THSD4: variants seen among roughly 807,000 people sequenced by gnomAD.
The protein encoded by THSD4 is thrombospondin type 1 domain containing 4, also known as thrombospondin type-1 domain-containing protein 4.
A neutral mutation model predicts 119.0 loss-of-function variants in THSD4; 69 were observed. That is an observed-to-expected ratio of 0.58 (90% CI 0.48 to 0.71). THSD4 has a LOEUF of 0.71. THSD4 is among the 30% of genes least tolerant of loss of function. The pLI is 0.00. For synonymous variants in THSD4, 524 were observed against 540.4 expected (o/e 0.97, Z 0.42); for missense variants, 1,393 against 1,391.1 (o/e 1.00, Z -0.02).
intron 6 of THSD4, among the ~76,000 whole-genome samples, chr15:71,311,245 A>G (rs758190666): frequency 2.6e-5 from 4 of 152,226 alleles, no homozygotes; most frequent in African/African-American, 9.6e-5. Context: ...GTTTGTTAAC[A>G]TAGATTTCCA....
At chr15:71,774,310 CA>C (rs11448201) in intron 17 of THSD4, among the ~76,000 whole-genome samples, 17 of 73,896 alleles carry the variant, frequency 2.3e-4, no homozygotes, top group East Asian at 1.1e-3. Flanking sequence ...GACTCTGTCT[CA>C]AAAAAAAAAA....
At chr15:71,322,084 C>T (rs756309827) in intron 6 of THSD4, among the ~76,000 whole-genome samples, 11 of 151,302 alleles carry the variant, frequency 7.3e-5, no homozygotes, top group Non-Finnish European at 1.5e-4. Flanking sequence ...CATTAAAATG[C>T]ACCTAATAAT....
chr15:71,319,536 A>G (rs975471219), intron 6 of THSD4, among the ~76,000 whole-genome samples: 5 of 151,818 alleles, frequency 3.3e-5, no homozygotes, highest in African/African-American at 1.2e-4. Flanking sequence ...GCTCAGAATG[A>G]TGGTTTCCAG....
intron 6 of THSD4, among the ~76,000 whole-genome samples, chr15:71,332,617 G>T (rs1325716807): frequency 6.6e-6 from 1 of 152,110 alleles, no homozygotes; most frequent in Non-Finnish European, 1.5e-5. Context: ...CCCGGTTGAA[G>T]TCTTGTGATG....
rs548592475 is a variant in THSD4 at position 71,448,400 on chromosome 15, T to G, written c.1152+36577T>G. 1.2e-4 allele frequency among the ~76,000 whole-genome samples: 19 copies of G among 152,324 alleles called. No homozygotes were observed. The South Asian group carries it at 3.7e-3, about 30-fold the overall frequency. ...AACTCCCTTAACATTTGGGGGCATT[T>G]CATAATTTGATCTTGAGGTAATAGA... On this transcript the variant is annotated intron_variant, in intron 7 of 17. Transcript: ENST00000261862.
At chr15:71,368,352 C>T (rs2045995901) in intron 6 of THSD4, among the ~76,000 whole-genome samples, 1 of 152,180 alleles carries the variant, frequency 6.6e-6, no homozygotes, top group Non-Finnish European at 1.5e-5. Flanking sequence ...GACATGAAGT[C>T]CTTGCCCATG....
intron 6 of THSD4, among the ~76,000 whole-genome samples, chr15:71,290,972 C>T (rs1424389473): frequency 6.6e-6 from 1 of 150,732 alleles, no homozygotes; most frequent in Non-Finnish European, 1.5e-5. Context: ...AAACATATTC[C>T]CCCAAATTCC....
rs376771879 is a variant in THSD4, at chr15:71,242,885, G to C, written c.701G>C (p.Gly234Ala). Residue 234 changes from glycine to alanine, a missense_variant, in exon 5 of 18, where the codon GGA becomes GCA. Physicochemically the swap from Gly to Ala is moderately conservative, Grantham distance 60. Coordinates refer to ENST00000261862, the MANE Select transcript of THSD4 (RefSeq NM_024817.3). ...LYQSDSGPRSGLQAAEAPIYQ... is the reference protein window; with the variant it reads ...LYQSDSGPRSALQAAEAPIYQ... ...CAAAGTGACAGTGGCCCTCGCTCTG[G>C]ACTGCAGGCTGCGGAGGCCCCCATC... 1 of 1,614,204 alleles carries C rather than the reference G, an allele frequency of 6.2e-7. No homozygotes were observed. The highest frequency in any genetic ancestry group is 1.7e-5 in the Admixed American group (1 of 60,016).
intron 7 of THSD4, among the ~76,000 whole-genome samples, chr15:71,427,691 C>T (rs2046891564): frequency 6.6e-6 from 1 of 150,988 alleles, no homozygotes; most frequent in South Asian, 2.1e-4. Flanking sequence ...ATCTGGTCTA[C>T]TTCTGGTGGT....
At chr15:71,524,670 C>T in intron 7 of THSD4, among the ~76,000 whole-genome samples, 1 of 137,996 alleles carries the variant, frequency 7.2e-6, no homozygotes, top group Non-Finnish European at 1.5e-5. Context: ...AGTCTCAGCT[C>T]ACTGCAAACT....
At chr15:71,450,578 G>T (rs908080696) in intron 7 of THSD4, among the ~76,000 whole-genome samples, 20 of 152,284 alleles carry the variant, frequency 1.3e-4, no homozygotes, top group African/African-American at 4.8e-4. Context: ...AGCATCCAAG[G>T]TTATGTAACA....
At chr15:71,721,555 A>G (rs908199461) in intron 8 of THSD4, among the ~76,000 whole-genome samples, 1 of 150,634 alleles carries the variant, frequency 6.6e-6, no homozygotes, top group African/African-American at 2.4e-5. Context: ...CTGTAATCCC[A>G]GCTACTTAAG....
rs753492801 is a variant in THSD4 at position 71,341,307 on chromosome 15, T to TCCGA, written c.1016-70377_1016-70374dup. 6 of 1,601,642 alleles carry TCCGA rather than the reference T, an allele frequency of 3.7e-6. No homozygotes were observed. In the South Asian group the frequency reaches 6.6e-5, roughly 18 times the overall value. ...CAGGGAGAGCTCATGTATGGGTTAA[T>TCCGA]CCGACCATGAGCTCTGTAGGTCCGG... is the stretch of plus-strand genomic sequence containing the variant. On this transcript the variant is annotated intron_variant, in intron 6 of 17. Transcript: ENST00000261862.
chr15:71,429,023 T>C (rs4777386), intron 7 of THSD4, among the ~76,000 whole-genome samples: 149,800 of 152,342 alleles, frequency 0.98, 73,703 homozygotes, highest in Middle Eastern at 1. Context: ...AACTGTGATG[T>C]ACATGTTGGT....
chr15:71,376,441 T>C (rs1004895028), intron 6 of THSD4, among the ~76,000 whole-genome samples: 3 of 152,182 alleles, frequency 2.0e-5, no homozygotes, highest in African/African-American at 7.2e-5. Context: ...TTCTGGGTCT[T>C]GATTGATAGT....
chr15:71,766,107 G>C (rs1460900785), intron 16 of THSD4, among the ~76,000 whole-genome samples: 1 of 152,048 alleles, frequency 6.6e-6, no homozygotes, highest in East Asian at 1.9e-4. Flanking sequence ...GAAATAGTGT[G>C]TAAATGAAGA....
intron 6 of THSD4, among the ~76,000 whole-genome samples, chr15:71,346,476 A>G (rs2045661701): frequency 1.3e-5 from 2 of 152,200 alleles, no homozygotes; most frequent in South Asian, 4.1e-4. Context: ...GTATTTGGCT[A>G]GTGAGAGCCA....
intron 6 of THSD4, among the ~76,000 whole-genome samples, chr15:71,261,298 G>A (rs962757569): frequency 1.3e-5 from 2 of 152,086 alleles, no homozygotes; most frequent in African/African-American, 4.8e-5. Flanking sequence ...GCCTAGGAAC[G>A]CCAAGGATTG....
At chr15:71,535,137 G>A (rs544649135) in intron 7 of THSD4, among the ~76,000 whole-genome samples, 4 of 151,994 alleles carry the variant, frequency 2.6e-5, no homozygotes, top group South Asian at 4.2e-4. Flanking sequence ...CCCTATTTCC[G>A]CTCACCCTCC....
Sources: allele counts gnomAD v4.1 joint callset (sites outside exome capture counted in the v4.1 genomes callset), GRCh38; gene constraint gnomAD v4.1.1; transcripts MANE v1.5; gene names NCBI Gene and HGNC (gene_info 2026-07-23, HGNC 2026-07-21).